The following ROBO2 variants were observed in gnomAD, a reference collection of about 807,000 sequenced individuals.
ROBO2 encodes the protein roundabout homolog 2.
ROBO2 carries 53 observed loss-of-function variants against 160.8 expected under a neutral mutation model. That is an observed-to-expected ratio of 0.33 (90% CI 0.26 to 0.41). The LOEUF (loss-of-function observed/expected upper bound fraction) is 0.41. Among genes scored for constraint, ROBO2 ranks in the 10% least tolerant of loss-of-function variants. The pLI is 1.00. For missense variants in ROBO2, 1,577 were observed against 1,722.4 expected, an observed-to-expected ratio of 0.92 and a Z score of 1.49; for synonymous variants, 664 against 611.7, an observed-to-expected ratio of 1.09 and a Z score of -1.26.
At position 75,989,164 on chromosome 3, in the gene ROBO2, G is replaced by T. The variant is rs532969304; in HGVS notation, c.109+51562G>T. 1.2e-4 allele frequency among the ~76,000 whole-genome samples: 19 copies of T among 152,170 alleles called. No homozygotes were observed. The South Asian group carries it at 3.9e-3, about 32-fold the overall frequency. ...GATGGAGTCTTGCTCTGTTGACCAG[G>T]CTGGAGTGCAATGGTGTGATCTGGC... On this transcript the variant is annotated intron_variant, in intron 2 of 26. Transcript: ENST00000487694.
chr3:76,890,027 C>T (rs932961444), intron 2 of ROBO2, among the ~76,000 whole-genome samples: 1 of 152,080 alleles, frequency 6.6e-6, no homozygotes, highest in African/African-American at 2.4e-5. Context: ...GCCGTTTGTG[C>T]CATCCTAAGG....
chr3:76,650,494 T>A (rs927394164), intron 2 of ROBO2, among the ~76,000 whole-genome samples: 2 of 149,554 alleles, frequency 1.3e-5, no homozygotes, highest in Non-Finnish European at 1.5e-5. Context: ...TTTTTTTTTA[T>A]TTTTTTCTTT....
intron 2 of ROBO2, among the ~76,000 whole-genome samples, chr3:76,809,936 T>C (rs904157346): frequency 6.6e-6 from 1 of 151,872 alleles, no homozygotes; most frequent in African/African-American, 2.4e-5. Flanking sequence ...AAAACTAGAA[T>C]ATGGAAAATA....
At chr3:76,995,396 T>C (rs1559817336) in intron 2 of ROBO2, among the ~76,000 whole-genome samples, 2 of 152,204 alleles carry the variant, frequency 1.3e-5, no homozygotes, top group Non-Finnish European at 2.9e-5. Flanking sequence ...TTGTGAATAG[T>C]GCTGCAATAA....
rs1553690586 is a variant in ROBO2, at chr3:77,598,487, G to GTGTATA, written c.2854+1738_2854+1739insGTATAT. Among the ~76,000 whole-genome samples, 232 of 136,938 alleles carry GTGTATA rather than the reference G, an allele frequency of 1.7e-3. 1 individual carries two copies. Among genetic ancestry groups the GTGTATA allele is most frequent in the African/African-American group, 5.9e-3 (221 of 37,234 alleles). The allele number at this position is 136,938 out of a possible 152,430, so 89.8% of individuals were successfully genotyped here. ...ATATATATATTTATTTATATAGTGT[G>GTGTATA]TATATATATATATATACGCACACAC... On this transcript the variant is annotated intron_variant, in intron 19 of 25. Transcript: ENST00000461745.
chr3:76,528,746 G>A (rs763442951), intron 2 of ROBO2, among the ~76,000 whole-genome samples: 34 of 152,000 alleles, frequency 2.2e-4, no homozygotes, highest in Non-Finnish European at 4.7e-4. Context: ...GTGATCACCA[G>A]GGGAAGGAGG....
At position 76,171,691 on chromosome 3, in the gene ROBO2, C is replaced by CT. The variant is rs59703714; in HGVS notation, c.109+234098dup. ...TGCGTAAGACCCAAAAGAAAAATCCCTTTTTTTTTAGGTAGGAGAATCAGC... is the reference window on the plus strand; with the variant it reads ...TGCGTAAGACCCAAAAGAAAAATCCCTTTTTTTTTTAGGTAGGAGAATCAGC... On this transcript the variant is annotated intron_variant, in intron 2 of 26. Coordinates refer to the ROBO2 transcript ENST00000487694. 0.022 allele frequency among the ~76,000 whole-genome samples: 3,260 copies of CT among 150,966 alleles called. 241 individuals are homozygous for CT. The East Asian group carries it at 0.24, about 11-fold the overall frequency.
At chr3:76,312,822 G>T (rs149104999) in intron 2 of ROBO2, among the ~76,000 whole-genome samples, 1 of 152,184 alleles carries the variant, frequency 6.6e-6, no homozygotes, top group African/African-American at 2.4e-5. Flanking sequence ...CTAGCTACCC[G>T]TGAGAAAGAT....
chr3:76,368,561 A>G (rs1017986071), intron 2 of ROBO2, among the ~76,000 whole-genome samples: 7 of 152,080 alleles, frequency 4.6e-5, no homozygotes, highest in East Asian at 3.9e-4. Context: ...ACACCTGACC[A>G]TCTCAGCATG....
chr3:76,303,316 T>A (rs1021482353), intron 2 of ROBO2, among the ~76,000 whole-genome samples: 1 of 152,220 alleles, frequency 6.6e-6, no homozygotes, highest in East Asian at 1.9e-4. Flanking sequence ...AAAAATATAT[T>A]CATTTTAAAA....
At chr3:76,218,661 A>C (rs1303701846) in intron 2 of ROBO2, among the ~76,000 whole-genome samples, 3 of 152,218 alleles carry the variant, frequency 2.0e-5, no homozygotes, top group Non-Finnish European at 4.4e-5. Flanking sequence ...AGGAAATAAA[A>C]GACGATACAA....
At chr3:77,065,531 T>C (rs534595866) in intron 1 of ROBO2, among the ~76,000 whole-genome samples, 17 of 152,294 alleles carry the variant, frequency 1.1e-4, no homozygotes, top group Admixed American at 6.5e-4. Context: ...TTTAGTCAGA[T>C]GTCATTTGAG....
At chr3:76,488,948 T>C (rs1026043128) in intron 2 of ROBO2, among the ~76,000 whole-genome samples, 2 of 151,888 alleles carry the variant, frequency 1.3e-5, no homozygotes, top group African/African-American at 2.4e-5. Context: ...CTTCCTCTTT[T>C]TGGTGAGAGG....
intron 2 of ROBO2, among the ~76,000 whole-genome samples, chr3:76,560,846 A>G (rs558989115): frequency 1.3e-5 from 2 of 149,254 alleles, no homozygotes; most frequent in Admixed American, 1.3e-4. Context: ...CCTAAATGGA[A>G]TTAGTTGTTT....
chr3:77,518,904 A>T (rs2090308210), intron 5 of ROBO2, among the ~76,000 whole-genome samples: 1 of 151,478 alleles, frequency 6.6e-6, no homozygotes, highest in African/African-American at 2.4e-5. Context: ...GAATGGATTT[A>T]GTTACTTTCC....
intron 2 of ROBO2, among the ~76,000 whole-genome samples, chr3:76,789,451 A>T (rs917523912): frequency 6.6e-6 from 1 of 151,534 alleles, no homozygotes; most frequent in Non-Finnish European, 1.5e-5. Context: ...AATCAGCACA[A>T]GATAAGGTGG....
chr3:77,632,795 C>T (rs1273386840), intron 23 of ROBO2: 18 of 651,360 alleles, frequency 2.8e-5, no homozygotes, highest in South Asian at 2.5e-4. Flanking sequence ...TTTGGATGCT[C>T]CATTACCCAA....
intron 2 of ROBO2, among the ~76,000 whole-genome samples, chr3:76,463,910 A>G (rs1287946340): frequency 1.3e-5 from 2 of 152,228 alleles, no homozygotes; most frequent in Admixed American, 1.3e-4. Flanking sequence ...CTGCTAGTTA[A>G]GTCACCTAAA....
intron 2 of ROBO2, among the ~76,000 whole-genome samples, chr3:76,264,048 AT>A (rs1348368949): frequency 2.0e-5 from 3 of 152,118 alleles, no homozygotes; most frequent in Non-Finnish European, 2.9e-5. Context: ...GGAGAGGAAT[AT>A]CACACTCCTG....
Sources: gnomAD v4.1 joint callset for allele counts (sites outside exome capture counted in the v4.1 genomes callset) on GRCh38, gnomAD v4.1.1 for gene constraint, MANE v1.5 for transcripts, NCBI Gene and HGNC (gene_info 2026-07-23, HGNC 2026-07-21) for gene names.